Variants in SLC9A8 observed in about 807,000 individuals in gnomAD.
SLC9A8 encodes the protein solute carrier family 9 member A8.
Under a neutral mutation model 66.6 loss-of-function variants are expected in SLC9A8, and 48 were observed. The observed-to-expected ratio is 0.72, with a 90% CI of 0.57 to 0.92. SLC9A8 has a LOEUF of 0.92. SLC9A8 is among the 40% of genes least tolerant of loss of function. The probability of loss-of-function intolerance (pLI) is 0.00; values close to 1 mark genes in which losing one functional copy is unlikely to be tolerated. For synonymous variants in SLC9A8, 274 were observed against 282.6 expected (o/e 0.97, Z 0.31); for missense variants, 599 against 747.3 (o/e 0.80, Z 2.31).
At chr20:49,834,350 GTATATATATATATAC>G (rs1405514414) in intron 3 of SLC9A8, among the ~76,000 whole-genome samples, 2 of 58,558 alleles carry the variant, frequency 3.4e-5, no homozygotes, top group Non-Finnish European at 7.9e-5. Flanking sequence ...TATATATACT[GTATATATATATATAC>G]TGTGTATATA....
At chr20:49,813,169 A>C (rs8121969) in intron 1 of SLC9A8, among the ~76,000 whole-genome samples, 13,992 of 152,270 alleles carry the variant, frequency 0.092, 722 homozygotes, top group Middle Eastern at 0.13. Context: ...CTGGGAATCT[A>C]CTGCCCAGCG....
At position 49,890,862 on chromosome 20, in the gene SLC9A8, G is replaced by A. The variant is rs1038901716; in HGVS notation, c.*2926G>A. 6.6e-6 allele frequency: 1 copy of A among 152,270 alleles called. No homozygotes were observed. Among genetic ancestry groups the A allele is most frequent in the African/African-American group, 2.4e-5 (1 of 41,458 alleles). The allele number at this position is 152,270 out of a possible 1,614,324, so 9.4% of individuals were successfully genotyped here. A position where few individuals can be genotyped will look rare whatever the true frequency, so the allele number is the denominator to read the frequency against. ...GGGCTGGCTGGCATGAGGCCAAGGGGTAGGCCTGAGCGCCAGAGTCGCCCA... is the reference window on the plus strand; with the variant it reads ...GGGCTGGCTGGCATGAGGCCAAGGGATAGGCCTGAGCGCCAGAGTCGCCCA... On this transcript the variant is annotated 3_prime_UTR_variant, in exon 16 of 16. Coordinates refer to ENST00000361573, the MANE Select transcript of SLC9A8 (RefSeq NM_015266.3).
chr20:49,834,214 TACAC>T (rs1355760521), intron 3 of SLC9A8, among the ~76,000 whole-genome samples: 2 of 112,150 alleles, frequency 1.8e-5, no homozygotes, highest in South Asian at 2.7e-4. Flanking sequence ...TATATATATA[TACAC>T]ACACACACTA....
In SLC9A8 at chr20:49,827,652, G is replaced by A. The variant is rs17788629; in HGVS notation, c.289+4511G>A. ...AAAATGAAATACTTGTAAGCGTATG[G>A]CCAGCATCCTCTGTTGAATAATACC... On this transcript the variant is annotated intron_variant, in intron 3 of 15. Coordinates refer to ENST00000361573, the MANE Select transcript of SLC9A8 (RefSeq NM_015266.3). 0.023 allele frequency among the ~76,000 whole-genome samples: 3,450 copies of A among 151,718 alleles called. 380 individuals carry two copies. The East Asian group carries it at 0.35, about 15-fold the overall frequency.
In SLC9A8 at chr20:49,890,343, C is replaced by A. The variant is rs924364641; in HGVS notation, c.*2407C>A. The A allele has an allele frequency of 6.6e-6, 1 of 152,176 alleles. No individual in the cohort carries two copies. Among genetic ancestry groups the A allele is most frequent in the Non-Finnish European group, 1.5e-5 (1 of 68,040 alleles). 9.4% of individuals were successfully genotyped at this position (152,176 alleles called of 1,614,324 possible). ...TCTACCTTTAGCACACCCAATAATT[C>A]TATTTGGGGCAGTGAATGCATAGAA... On this transcript the variant is annotated 3_prime_UTR_variant, in exon 16 of 16. Coordinates refer to ENST00000361573, the MANE Select transcript of SLC9A8 (RefSeq NM_015266.3).
chr20:49,844,961 T>C (rs1410118451), intron 4 of SLC9A8, 75 bp from the exon 5 acceptor site: 7 of 1,007,646 alleles, frequency 6.9e-6, no homozygotes, highest in Non-Finnish European at 1.1e-5. Flanking sequence ...ATAATTATTT[T>C]GGCTCTTTAT....
At chr20:49,881,978 G>A (rs1263430550) in intron 13 of SLC9A8, among the ~76,000 whole-genome samples, 2 of 152,034 alleles carry the variant, frequency 1.3e-5, no homozygotes, top group African/African-American at 2.4e-5. Context: ...GGCGGGGGCT[G>A]TCGGCTCCTG....
chr20:49,814,317 C>G (rs1240280446), intron 1 of SLC9A8, among the ~76,000 whole-genome samples: 1 of 152,138 alleles, frequency 6.6e-6, no homozygotes, highest in Admixed American at 6.6e-5. Flanking sequence ...CATGTTATAC[C>G]TATTAAATGA....
intron 4 of SLC9A8, among the ~76,000 whole-genome samples, chr20:49,842,577 AAAT>A (rs534214354): frequency 5.1e-4 from 78 of 152,284 alleles, no homozygotes; most frequent in South Asian, 3.7e-3. Context: ...GGGCCTGAAG[AAAT>A]AATCAAAAGG....
chr20:49,844,852 A>T (rs1274831602), intron 4 of SLC9A8, among the ~76,000 whole-genome samples, 184 bp from the exon 5 acceptor site: 1 of 143,512 alleles, frequency 7.0e-6, no homozygotes, highest in Non-Finnish European at 1.5e-5. Flanking sequence ...ATACAGTTTC[A>T]TTTTTTTTTT....
chr20:49,836,227 T>A (rs1197078784), intron 3 of SLC9A8, among the ~76,000 whole-genome samples: 1 of 152,248 alleles, frequency 6.6e-6, no homozygotes, highest in Non-Finnish European at 1.5e-5. Context: ...TTCTTCCATG[T>A]TCTGGCAGGT....
intron 3 of SLC9A8, chr20:49,829,118 T>A (rs1568802213): frequency 1.3e-5 from 2 of 151,688 alleles, no homozygotes; most frequent in Non-Finnish European, 2.9e-5. Context: ...GATGGTTGGA[T>A]AGTAAGATGG....
Position 49,827,105 on chromosome 20 carries a change from C to A in SLC9A8, c.289+3964C>A, listed in dbSNP as rs1298557951. ...TACAGGCACATACCACCATGCCTGG[C>A]TAATTTTTGTATTTTTAGTGGAGAC... On this transcript the variant is annotated intron_variant, in intron 3 of 15. Coordinates refer to ENST00000361573, the MANE Select transcript of SLC9A8 (RefSeq NM_015266.3). Among the ~76,000 whole-genome samples the A allele has an allele frequency of 2.6e-5, 4 of 151,800 alleles. No individual in the cohort carries two copies. In the East Asian group the frequency reaches 7.9e-4, roughly 30 times the overall value.
intron 3 of SLC9A8, among the ~76,000 whole-genome samples, chr20:49,834,309 AGT>A (rs1384585191): frequency 3.2e-5 from 4 of 126,510 alleles, no homozygotes; most frequent in African/African-American, 5.9e-5. Context: ...CTATATATAC[AGT>A]GTGTATATAT....
intron 4 of SLC9A8, among the ~76,000 whole-genome samples, chr20:49,844,509 C>T (rs896086119): frequency 7.9e-5 from 12 of 151,534 alleles, no homozygotes; most frequent in African/African-American, 2.9e-4. Flanking sequence ...CTTGGCCACG[C>T]ATGGTGGCTC....
chr20:49,823,614 C>T (rs1437290430), intron 3 of SLC9A8, among the ~76,000 whole-genome samples: 2 of 152,058 alleles, frequency 1.3e-5, no homozygotes, highest in Non-Finnish European at 2.9e-5. Flanking sequence ...TTGTGCTCTA[C>T]CCCACTTACA....
rs768084293 is a variant in SLC9A8, at chr20:49,886,883, G to T, written c.1623G>T (p.Arg541=). The T allele has an allele frequency of 7.4e-5, 120 of 1,613,924 alleles. No individual in the cohort carries two copies. Among genetic ancestry groups the T allele is most frequent in the Non-Finnish European group, 9.7e-5 (115 of 1,179,938 alleles). Residue 541 remains arginine, a synonymous_variant, in exon 15 of 16, where the codon CGG becomes CGT. Transcript: ENST00000361573. The surrounding 1 kb of genome is among the most constrained non-coding windows in gnomAD (Gnocchi z 4.8). ...DAKYLNPFFT[R]RLTQEDLHHG... is the part of the protein sequence containing the mutation. ...AGTACCTGAACCCCTTCTTCACTCG[G>T]AGGCTGACGCAGGAGGTGGGATACC...
chr20:49,842,421 T>G (rs1258052290), intron 4 of SLC9A8, among the ~76,000 whole-genome samples: 3 of 152,304 alleles, frequency 2.0e-5, no homozygotes, highest in African/African-American at 7.2e-5. Flanking sequence ...AAACTAATAT[T>G]GTTTTGTAAA....
At chr20:49,862,227 C>G (rs1384309924) in intron 8 of SLC9A8, among the ~76,000 whole-genome samples, 1 of 152,096 alleles carries the variant, frequency 6.6e-6, no homozygotes, top group Non-Finnish European at 1.5e-5. Context: ...GGCAAGTCGT[C>G]TTTATCCCAA....
Sources: gnomAD v4.1 joint callset for allele counts (sites outside exome capture counted in the v4.1 genomes callset) on GRCh38, gnomAD v4.1.1 for gene constraint, Gnocchi (gnomAD v3.1) non-coding constraint, MANE v1.5 for transcripts, NCBI Gene and HGNC (gene_info 2026-07-23, HGNC 2026-07-21) for gene names.